Variants in GLYATL1 observed in about 807,000 individuals in gnomAD.
GLYATL1 encodes the protein glycine N-acyltransferase-like protein 1.
A neutral mutation model predicts 20.0 loss-of-function variants in GLYATL1; 15 were observed. The ratio of observed to expected loss-of-function variants is 0.75; its 90% CI spans 0.50 to 1.15. The LOEUF (loss-of-function observed/expected upper bound fraction) is 1.15, where lower values mean the gene tolerates loss of function less well. Among genes scored for constraint, GLYATL1 ranks in the 50% most tolerant of loss-of-function variants. GLYATL1 has a pLI of 0.00. For synonymous variants in GLYATL1, 151 were observed against 131.5 expected (o/e 1.15, Z -1.01); for missense variants, 380 against 368.5 (o/e 1.03, Z -0.26).
At chr11:58,942,649 G>A (rs930723738) in intron 1 of GLYATL1, 1 of 152,050 alleles carries the variant, frequency 6.6e-6, no homozygotes, top group South Asian at 2.1e-4. Flanking sequence ...AGTTTGAGAT[G>A]GCTATTGGAA....
chr11:58,935,695 C>T (rs1254149333), upstream of GLYATL1: 5 of 152,048 alleles, frequency 3.3e-5, no homozygotes, highest in East Asian at 1.9e-4. Flanking sequence ...AGACAGGTCT[C>T]CTGCTAATTT....
At chr11:58,911,420 G>A (rs147907072), downstream of GLYATL1, among the ~76,000 whole-genome samples, 1 of 152,264 alleles carries the variant, frequency 6.6e-6, no homozygotes, top group East Asian at 1.9e-4. Context: ...TTTTCAAAAT[G>A]GCTGTATAAT....
At position 58,947,946 on chromosome 11, in the gene GLYATL1, T is replaced by C. The variant is rs376389786; in HGVS notation, c.167T>C (p.Ile56Thr). The C allele has an allele frequency of 1.1e-5, 17 of 1,613,586 alleles. No homozygotes were observed. Among genetic ancestry groups the C allele is most frequent in the Non-Finnish European group, 1.3e-5 (15 of 1,179,568 alleles). ...VDSWPEYQMV[I>T]IRPQKQEMTD... ...TCCTGGCCTGAATATCAGATGGTTA[T>C]TATCCGGCCTCAAAAGCAGGTAGGC... The change falls in exon 4 of 7, where the codon ATT (isoleucine) becomes ACT (threonine). Residue 56 changes from isoleucine (I) to threonine (T), a missense_variant. Ile to Thr is a moderately conservative substitution (Grantham distance 89). Transcript: ENST00000532726.
chr11:58,947,247 CCTGA>C (rs1856636146), intron 3 of GLYATL1, 82 bp downstream of exon 3: 2 of 1,518,776 alleles, frequency 1.3e-6, no homozygotes, highest in Non-Finnish European at 1.8e-6. Flanking sequence ...TCTAGTCCTT[CCTGA>C]CTGTTTGCAG....
chr11:58,936,224 A>G (rs936896815), upstream of GLYATL1, among the ~76,000 whole-genome samples: 1 of 152,254 alleles, frequency 6.6e-6, no homozygotes, highest in African/African-American at 2.4e-5. Flanking sequence ...ATATTTGTGT[A>G]AACTAATTCA....
chr11:58,955,497 G>A (rs1857335320), intron 6 of GLYATL1, 113 bp from the exon 7 acceptor site: 2 of 1,385,446 alleles, frequency 1.4e-6, no homozygotes, highest in Admixed American at 4.3e-5. Context: ...CCAAAACTTT[G>A]CAATGGTGAG....
chr11:58,937,763 C>T (rs1855899495), upstream of GLYATL1, among the ~76,000 whole-genome samples: 1 of 152,140 alleles, frequency 6.6e-6, no homozygotes, highest in South Asian at 2.1e-4. Flanking sequence ...GAATAGGTGC[C>T]AACAGCTATC....
chr11:58,932,176 G>T (rs1330410149), intron 1 of GLYATL1, among the ~76,000 whole-genome samples: 3 of 147,024 alleles, frequency 2.0e-5, no homozygotes, highest in Non-Finnish European at 4.5e-5. Context: ...AAGGAAAAAG[G>T]GTTCAATTCC....
At chr11:58,955,444 A>G in intron 6 of GLYATL1, 91 bp downstream of exon 6, 1 of 1,374,736 alleles carries the variant, frequency 7.3e-7, no homozygotes, top group Non-Finnish European at 1.0e-6. Flanking sequence ...AGAGAGGATG[A>G]ATTCATTCCT....
intron 2 of GLYATL1, among the ~76,000 whole-genome samples, chr11:58,945,577 T>C (rs1856510587): frequency 6.6e-6 from 1 of 152,168 alleles, no homozygotes; most frequent in Admixed American, 6.5e-5. Flanking sequence ...CGGGGAGTGA[T>C]ATAGCATGGT....
chr11:58,911,533 C>A (rs1360895544), downstream of GLYATL1, among the ~76,000 whole-genome samples: 1 of 152,162 alleles, frequency 6.6e-6, no homozygotes, highest in African/African-American at 2.4e-5. Context: ...GTAATGGCAT[C>A]TTTTTGTAGT....
chr11:58,907,191 A>C (rs1293251348), intron 1 of GLYATL1: 2 of 452,108 alleles, frequency 4.4e-6, no homozygotes, highest in African/African-American at 4.1e-5. Context: ...TTTAGGGGAA[A>C]CCTCTTCATA....
rs1015934012 is a variant in GLYATL1 at position 58,944,742 on chromosome 11, C to T, written c.-43+1076C>T. Among the ~76,000 whole-genome samples the T allele has an allele frequency of 2.0e-5, 3 of 152,086 alleles. No homozygotes were observed. The East Asian group carries it at 5.8e-4, about 29-fold the overall frequency. The stretch of plus-strand genomic sequence containing the variant: ...TTTTCTGTAGTCTTCACAGTGACCA[C>T]TGACTGTGTGCTACTCATATTTACA... On this transcript the variant is annotated intron_variant, in intron 2 of 6. Transcript: ENST00000532726.
chr11:58,947,354 T>C (rs1856645791), intron 3 of GLYATL1, 189 bp downstream of exon 3: 1 of 757,062 alleles, frequency 1.3e-6, no homozygotes, highest in East Asian at 2.7e-5. Flanking sequence ...CTAGGTCCAC[T>C]CTGCAGGTTT....
chr11:58,912,793 T>A (rs971130176), downstream of GLYATL1, among the ~76,000 whole-genome samples: 3 of 152,340 alleles, frequency 2.0e-5, 1 homozygote, highest in Admixed American at 1.3e-4. Flanking sequence ...CTTTAGGGAC[T>A]GGGCATGTGA....
At chr11:58,947,829 T>A (rs748754044) in intron 3 of GLYATL1, 29 bp from the exon 4 acceptor site, 3 of 1,468,562 alleles carry the variant, frequency 2.0e-6, no homozygotes, top group Admixed American at 3.3e-5. Context: ...GATCTCAACC[T>A]CTCCTGGTCC....
intron 1 of GLYATL1, among the ~76,000 whole-genome samples, chr11:58,920,283 G>A (rs894385665): frequency 6.6e-6 from 1 of 152,108 alleles, no homozygotes; most frequent in African/African-American, 2.4e-5. Context: ...AGGAAAGAAA[G>A]AGTTCTCTTT....
At chr11:58,906,158 G>A (rs913526058) in intron 1 of GLYATL1, among the ~76,000 whole-genome samples, 3 of 152,192 alleles carry the variant, frequency 2.0e-5, no homozygotes, top group Non-Finnish European at 4.4e-5. Flanking sequence ...TAGGTGGATG[G>A]CCGGCAGGGG....
At chr11:58,954,739 G>A (rs1857252262) in intron 4 of GLYATL1, 31 bp from the exon 5 acceptor site, 2 of 1,548,976 alleles carry the variant, frequency 1.3e-6, no homozygotes, top group Non-Finnish European at 1.7e-6. Flanking sequence ...AAGTTCAAGG[G>A]AATGACCTGA....
Sources: gnomAD v4.1 joint callset for allele counts (sites outside exome capture counted in the v4.1 genomes callset) on GRCh38, gnomAD v4.1.1 for gene constraint, MANE v1.5 for transcripts, NCBI Gene and HGNC (gene_info 2026-07-23, HGNC 2026-07-21) for gene names.